Variants in NPLOC4 observed in about 807,000 individuals in gnomAD.
NPLOC4 encodes nuclear protein localization protein 4 homolog.
NPLOC4 carries 18 observed loss-of-function variants against 80.6 expected under a neutral mutation model. The observed-to-expected ratio is 0.22, with a 90% CI of 0.15 to 0.33. The LOEUF is 0.33. NPLOC4 is among the 10% of genes least tolerant of loss of function. The pLI is 1.00. For missense variants in NPLOC4, 540 were observed against 786.1 expected, an observed-to-expected ratio of 0.69 and a Z score of 3.74; for synonymous variants, 313 against 301.5, an observed-to-expected ratio of 1.04 and a Z score of -0.39.
intron 3 of NPLOC4, among the ~76,000 whole-genome samples, chr17:81,615,918 T>C (rs779622132): frequency 1.4e-4 from 22 of 152,330 alleles, no homozygotes; most frequent in Non-Finnish European, 2.2e-4. Context: ...CCAGGGATGA[T>C]GCCATTTGGT....
At chr17:81,585,043 G>A (rs1240599397) in intron 12 of NPLOC4, among the ~76,000 whole-genome samples, 1 of 151,746 alleles carries the variant, frequency 6.6e-6, no homozygotes, top group Non-Finnish European at 1.5e-5. Flanking sequence ...GGCAGCGTGC[G>A]CCTGTAGTCC....
chr17:81,573,144 C>T (rs1210056382), intron 12 of NPLOC4, among the ~76,000 whole-genome samples: 1 of 152,184 alleles, frequency 6.6e-6, no homozygotes, highest in African/African-American at 2.4e-5. Context: ...GAGGGGATCA[C>T]ATTTTCTATC....
intron 12 of NPLOC4, among the ~76,000 whole-genome samples, chr17:81,587,807 T>TG (rs1333828401): frequency 1.3e-5 from 2 of 149,228 alleles, no homozygotes; most frequent in Non-Finnish European, 3.0e-5. Flanking sequence ...TAGCTGGGAC[T>TG]ACAGGTGCCT....
chr17:81,559,490 CA>C, intron 16 of NPLOC4, 74 bp from the exon 17 acceptor site: 1 of 1,479,726 alleles, frequency 6.8e-7, no homozygotes, highest in Non-Finnish European at 9.1e-7. Flanking sequence ...GGCATGGGGG[CA>C]GGGGCAGGCA....
intron 3 of NPLOC4, among the ~76,000 whole-genome samples, chr17:81,621,813 G>A (rs1408178497): frequency 6.6e-6 from 1 of 152,170 alleles, no homozygotes; most frequent in Admixed American, 6.6e-5. Flanking sequence ...ACCCAAGCCA[G>A]CAGGGCTAAC....
At chr17:81,616,620 C>T (rs959227150) in intron 3 of NPLOC4, among the ~76,000 whole-genome samples, 3 of 151,642 alleles carry the variant, frequency 2.0e-5, no homozygotes, top group Admixed American at 6.6e-5. Flanking sequence ...GTCCCAGCTA[C>T]TCGGGAGGCT....
At chr17:81,594,863 A>G (rs1026203883) in intron 11 of NPLOC4, among the ~76,000 whole-genome samples, 5 of 151,884 alleles carry the variant, frequency 3.3e-5, no homozygotes, top group Admixed American at 6.6e-5. Flanking sequence ...GTCGGATCAC[A>G]TGAGCCCAGG....
intron 14 of NPLOC4, chr17:81,568,065 TGA>T (rs1421038347): frequency 8.9e-6 from 1 of 112,286 alleles, no homozygotes; most frequent in Non-Finnish European, 1.7e-5. Flanking sequence ...GGTGATAGAG[TGA>T]GACTCTGTCT....
At position 81,585,669 on chromosome 17, in the gene NPLOC4, G is replaced by C. The variant is rs113010177; in HGVS notation, c.1281+3275C>G. 5.5e-5 allele frequency among the ~76,000 whole-genome samples: 8 copies of C among 145,098 alleles called. No individual in the cohort carries two copies. The South Asian group carries it at 9.2e-4, about 17-fold the overall frequency. ...GAGGAAGACTCCATTTCTGGGGGGG[G>C]GGGGAAAGAAAGAAATCAGAGGCTG... On this transcript the variant is annotated intron_variant, in intron 12 of 16. Transcript: ENST00000331134.
chr17:81,630,971 G>A (rs1036859142), intron 1 of NPLOC4, among the ~76,000 whole-genome samples: 13 of 151,880 alleles, frequency 8.6e-5, no homozygotes, highest in African/African-American at 2.9e-4. Context: ...TCAGGAGTTC[G>A]AGACCAGCCT....
chr17:81,578,716 T>C (rs2034363667), intron 12 of NPLOC4, among the ~76,000 whole-genome samples: 1 of 152,096 alleles, frequency 6.6e-6, no homozygotes, highest in Admixed American at 6.5e-5. Context: ...GAGAACAGGA[T>C]GGGGGAACCA....
chr17:81,613,232 A>G, intron 4 of NPLOC4, 86 bp downstream of exon 4: 1 of 1,222,996 alleles, frequency 8.2e-7, no homozygotes, highest in East Asian at 2.6e-5. Flanking sequence ...GATACTTATT[A>G]AAACAAGACA....
intron 6 of NPLOC4, among the ~76,000 whole-genome samples, chr17:81,607,339 T>C (rs58274256): frequency 0.071 from 10,745 of 151,266 alleles, 592 homozygotes; most frequent in East Asian, 0.22. Flanking sequence ...GAGAAAATCC[T>C]GGACCCTACT....
At chr17:81,587,498 G>A (rs991144513) in intron 12 of NPLOC4, among the ~76,000 whole-genome samples, 1 of 147,902 alleles carries the variant, frequency 6.8e-6, no homozygotes, top group Non-Finnish European at 1.5e-5. Context: ...TGTAGTTTTA[G>A]TAGAGACGGG....
chr17:81,589,142 G>T, intron 11 of NPLOC4, 38 bp from the exon 12 acceptor site: 2 of 1,583,334 alleles, frequency 1.3e-6, no homozygotes, highest in Non-Finnish European at 1.7e-6. Context: ...TCTACCAAAC[G>T]GCATTCAAAA....
chr17:81,587,550 T>C (rs1310234249), intron 12 of NPLOC4, among the ~76,000 whole-genome samples: 1 of 145,276 alleles, frequency 6.9e-6, no homozygotes, highest in Non-Finnish European at 1.5e-5. Context: ...CTCCTGACCT[T>C]GTGATCCGCC....
At chr17:81,606,607 T>TAG (rs2035210460) in intron 7 of NPLOC4, 84 bp downstream of exon 7, 1 of 1,461,168 alleles carries the variant, frequency 6.8e-7, no homozygotes, top group Non-Finnish European at 9.4e-7. Context: ...ATAGTGCTAA[T>TAG]AGCATTCCAC....
At chr17:81,611,593 A>C (rs1360360196) in intron 4 of NPLOC4, among the ~76,000 whole-genome samples, 1 of 151,638 alleles carries the variant, frequency 6.6e-6, no homozygotes, top group African/African-American at 2.4e-5. Flanking sequence ...CAGGTGATCC[A>C]CCTGCCTCAG....
intron 8 of NPLOC4, 150 bp from the exon 9 acceptor site, chr17:81,600,577 C>A (rs535332380): frequency 3.2e-6 from 2 of 631,672 alleles, no homozygotes; most frequent in Non-Finnish European, 2.8e-6. Context: ...AAAACACATG[C>A]GACACGCCTC....
Sources: allele counts gnomAD v4.1 joint callset (sites outside exome capture counted in the v4.1 genomes callset), GRCh38; gene constraint gnomAD v4.1.1; transcripts MANE v1.5; gene names NCBI Gene and HGNC (gene_info 2026-07-23, HGNC 2026-07-21).